CACNA1B: variants seen among roughly 807,000 people sequenced by gnomAD.
CACNA1B encodes calcium voltage-gated channel subunit alpha1 B, also known as voltage-dependent N-type calcium channel subunit alpha-1B.
CACNA1B carries 70 observed loss-of-function variants against 247.2 expected under a neutral mutation model. That is an observed-to-expected ratio of 0.28 (90% CI 0.23 to 0.35). The LOEUF (loss-of-function observed/expected upper bound fraction) is 0.35, where lower values mean the gene tolerates loss of function less well. CACNA1B is among the 10% of genes least tolerant of loss of function. The probability of loss-of-function intolerance (pLI) is 1.00; values close to 1 mark genes in which losing one functional copy is unlikely to be tolerated. For synonymous variants in CACNA1B, 1,231 were observed against 1,294.4 expected (o/e 0.95, Z 1.05); for missense variants, 2,367 against 3,197.4 (o/e 0.74, Z 6.26).
intron 3 of CACNA1B, among the ~76,000 whole-genome samples, chr9:137,903,474 T>G (rs1957263113): frequency 6.6e-6 from 1 of 152,186 alleles, no homozygotes; most frequent in Non-Finnish European, 1.5e-5. Flanking sequence ...TCCGTGCCTG[T>G]GGTCTCGTTG....
intron 39 of CACNA1B, among the ~76,000 whole-genome samples, chr9:138,111,689 C>G (rs1398186599): frequency 6.6e-6 from 1 of 152,206 alleles, no homozygotes; most frequent in Non-Finnish European, 1.5e-5. Context: ...TTATTTTATT[C>G]CTCTGCTCAA....
At chr9:138,034,951 A>T (rs934086934) in intron 20 of CACNA1B, among the ~76,000 whole-genome samples, 1 of 152,178 alleles carries the variant, frequency 6.6e-6, no homozygotes. Context: ...ATGGCAGCCA[A>T]CCTCATAACC....
At chr9:137,976,555 A>T (rs1958224346) in intron 12 of CACNA1B, among the ~76,000 whole-genome samples, 1 of 151,836 alleles carries the variant, frequency 6.6e-6, no homozygotes, top group Non-Finnish European at 1.5e-5. Flanking sequence ...GCTTACCATG[A>T]CAGTTGAACA....
rs865954182 is a variant in CACNA1B, at chr9:138,118,702, G to A, written c.5964G>A (p.Glu1988=). 1 of 1,566,332 alleles carries A rather than the reference G, an allele frequency of 6.4e-7. No individual in the cohort carries two copies. ...TAACCCGGAGGGGCCCTGATGGGGA[G>A]CCCCAGCCTGGGCTGGAGAGCCAGG... ...QSITRRGPDG[E]PQPGLESQGR... The change falls in exon 44 of 47, where the codon GAG becomes GAA. Residue 1988 remains glutamate (E), a synonymous_variant. Coordinates refer to ENST00000371372, the MANE Select transcript of CACNA1B (RefSeq NM_000718.4).
intron 3 of CACNA1B, among the ~76,000 whole-genome samples, chr9:137,898,755 C>T (rs1282303031): frequency 1.3e-5 from 2 of 151,432 alleles, no homozygotes; most frequent in African/African-American, 2.4e-5. Flanking sequence ...GATCTCAGCT[C>T]ACTACAAGCT....
chr9:138,081,281 G>A (rs1366190967), intron 36 of CACNA1B, among the ~76,000 whole-genome samples: 1 of 152,210 alleles, frequency 6.6e-6, no homozygotes, highest in Non-Finnish European at 1.5e-5. Context: ...TATCACTCCT[G>A]TGCAGAGAAG....
rs908929599 is a variant in CACNA1B at position 138,118,773 on chromosome 9, G to T, written c.6030+5G>T. ...CGCCTTGCGGCCGAGACTCAGGTAG[G>T]TGGTCTGGGAGGGTCCAGGCCCTGG... On this transcript the variant is annotated splice_donor_5th_base_variant and intron_variant, in intron 44 of 46. Transcript: ENST00000371372. 1.4e-6 allele frequency: 2 copies of T among 1,415,610 alleles called. No individual in the cohort carries two copies. The highest frequency in any genetic ancestry group is 1.9e-6 in the Non-Finnish European group (2 of 1,033,742). The allele number at this position is 1,415,610 out of a possible 1,614,324, so 87.7% of individuals were successfully genotyped here.
chr9:137,921,150 A>C (rs940585805), intron 6 of CACNA1B, among the ~76,000 whole-genome samples: 1 of 152,218 alleles, frequency 6.6e-6, no homozygotes, highest in African/African-American at 2.4e-5. Flanking sequence ...AGAAGGCCCA[A>C]GGCTGATACT....
At chr9:138,096,426 G>A (rs889920151) in intron 36 of CACNA1B, 58 bp from the exon 37 acceptor site, 13 of 1,513,192 alleles carry the variant, frequency 8.6e-6, no homozygotes, top group East Asian at 2.3e-5. Flanking sequence ...GGTGGGGGGC[G>A]GCGGGGAGGG....
intron 38 of CACNA1B, among the ~76,000 whole-genome samples, chr9:138,105,442 A>C (rs1354420200): frequency 6.6e-6 from 1 of 152,182 alleles, no homozygotes; most frequent in Non-Finnish European, 1.5e-5. Flanking sequence ...AGAGGGATCA[A>C]GGCTCCAGTC....
At chr9:138,103,307 G>C (rs1305326193) in intron 38 of CACNA1B, among the ~76,000 whole-genome samples, 1 of 152,216 alleles carries the variant, frequency 6.6e-6, no homozygotes, top group Non-Finnish European at 1.5e-5. Flanking sequence ...AGCTCAGCAA[G>C]TGCAGAGGCT....
chr9:137,908,127 C>T (rs1408855379), intron 3 of CACNA1B, among the ~76,000 whole-genome samples: 1 of 152,206 alleles, frequency 6.6e-6, no homozygotes, highest in African/African-American at 2.4e-5. Context: ...TCTTCAGCAT[C>T]GCTTGACTGT....
rs1354149132 is a variant in CACNA1B at position 138,007,477 on chromosome 9, G to C, written c.2092+593G>C. 6.6e-6 allele frequency among the ~76,000 whole-genome samples: 1 copy of C among 152,198 alleles called. No individual in the cohort carries two copies. Among genetic ancestry groups the C allele is most frequent in the Non-Finnish European group, 1.5e-5 (1 of 68,042 alleles). ...ATCTGGAGGGAGAACTACAGCATTC[G>C]TGGTATAGGCAAGGGTGAGGGCTAT... On this transcript the variant is annotated intron_variant, in intron 16 of 46. Coordinates refer to ENST00000371372, the MANE Select transcript of CACNA1B (RefSeq NM_000718.4). The surrounding 1 kb of genome is among the most constrained non-coding windows in gnomAD (Gnocchi z 4.1).
intron 36 of CACNA1B, among the ~76,000 whole-genome samples, chr9:138,093,469 A>G (rs1354377955): frequency 6.6e-6 from 1 of 151,524 alleles, no homozygotes; most frequent in East Asian, 1.9e-4. Flanking sequence ...GACCAGGTGC[A>G]GTAGCTCAGG....
In CACNA1B at chr9:138,074,006, G is replaced by A. The variant is rs1454839501; in HGVS notation, c.4797G>A (p.Leu1599=). The A allele has an allele frequency of 1.2e-6, 2 of 1,611,796 alleles. No individual in the cohort carries two copies. The highest frequency in any genetic ancestry group is 1.7e-6 in the Non-Finnish European group (2 of 1,179,648). ...LWTFVQSFKA[L]PYVCLLIAML... is the part of the protein sequence containing the mutation. ...ACCGGCCCCTGTCTCCGCAGGCCCT[G>A]CCCTACGTGTGTCTGCTCATTGCCA... Residue 1599 remains leucine (L), a synonymous_variant, in exon 34 of 47, where the codon CTG becomes CTA. Coordinates refer to ENST00000371372, the MANE Select transcript of CACNA1B (RefSeq NM_000718.4).
chr9:137,909,236 T>C (rs1957333813), intron 3 of CACNA1B, among the ~76,000 whole-genome samples: 1 of 152,020 alleles, frequency 6.6e-6, no homozygotes, highest in Non-Finnish European at 1.5e-5. Flanking sequence ...GTGATCCACC[T>C]GCCTCAGCCT....
rs1221694153 is a variant in CACNA1B, at chr9:138,057,029, G to A, written c.3969-703G>A. Among the ~76,000 whole-genome samples the A allele has an allele frequency of 5.8e-5, 8 of 139,094 alleles. No homozygotes were observed. In the East Asian group the frequency reaches 7.1e-4, roughly 12 times the overall value. 91.3% of individuals were successfully genotyped at this position (139,094 alleles called of 152,430 possible). On this transcript the variant is annotated intron_variant, in intron 26 of 46. Transcript: ENST00000371372. The surrounding 1 kb of genome is among the most constrained non-coding windows in gnomAD (Gnocchi z 4.0). The stretch of plus-strand genomic sequence containing the variant: ...CGGCTCACTGCAGGCTCCACCTCCC[G>A]GGTTCACGCCATTCTCCTGCCTCAG...
intron 10 of CACNA1B, among the ~76,000 whole-genome samples, chr9:137,959,695 C>T (rs1480769188): frequency 1.3e-5 from 2 of 152,246 alleles, no homozygotes; most frequent in Admixed American, 6.5e-5. Context: ...GGCTCTCTGG[C>T]GATTCTCTTA....
chr9:137,936,678 A>T (rs1442948445), intron 6 of CACNA1B, among the ~76,000 whole-genome samples: 1 of 152,218 alleles, frequency 6.6e-6, no homozygotes, highest in Non-Finnish European at 1.5e-5. Flanking sequence ...GAAGGGATCC[A>T]GTTTCAGCTT....
Sources: gnomAD v4.1 joint callset for allele counts (sites outside exome capture counted in the v4.1 genomes callset) on GRCh38, gnomAD v4.1.1 for gene constraint, Gnocchi (gnomAD v3.1) non-coding constraint, MANE v1.5 for transcripts, NCBI Gene and HGNC (gene_info 2026-07-23, HGNC 2026-07-21) for gene names.